The following DPP10 variants were observed in gnomAD, a reference collection of about 807,000 sequenced individuals.
The protein encoded by DPP10 is dipeptidyl peptidase like 10.
A neutral mutation model predicts 120.9 loss-of-function variants in DPP10; 33 were observed. That is an observed-to-expected ratio of 0.27 (90% CI 0.21 to 0.37). The LOEUF is 0.37. Among genes scored for constraint, DPP10 ranks in the 10% least tolerant of loss-of-function variants. The pLI, the probability that DPP10 is intolerant of heterozygous loss-of-function variation, is 1.00. For missense variants in DPP10, 816 were observed against 942.8 expected, an observed-to-expected ratio of 0.87 and a Z score of 1.76; for synonymous variants, 337 against 326.1, an observed-to-expected ratio of 1.03 and a Z score of -0.36.
At chr2:115,639,739 A>C (rs2086629391) in intron 5 of DPP10, among the ~76,000 whole-genome samples, 1 of 152,128 alleles carries the variant, frequency 6.6e-6, no homozygotes, top group Admixed American at 6.5e-5. Flanking sequence ...AGACCTAGGA[A>C]CCGGAATCTC....
intron 1 of DPP10, among the ~76,000 whole-genome samples, chr2:114,456,620 G>A (rs1209192352): frequency 6.6e-6 from 1 of 152,146 alleles, no homozygotes; most frequent in Non-Finnish European, 1.5e-5. Flanking sequence ...AATAAAAATA[G>A]CAGTATATAA....
intron 5 of DPP10, among the ~76,000 whole-genome samples, chr2:115,632,543 C>T (rs543796129): frequency 9.2e-5 from 14 of 152,126 alleles, no homozygotes; most frequent in Non-Finnish European, 2.1e-4. Flanking sequence ...ATGATGGTGA[C>T]GAATTCCCTC....
chr2:115,367,638 A>C, intron 3 of DPP10, among the ~76,000 whole-genome samples: 1 of 152,084 alleles, frequency 6.6e-6, no homozygotes, highest in East Asian at 1.9e-4. Flanking sequence ...TTAATAAATC[A>C]CTGAAACTTT....
chr2:115,341,307 C>T (rs1375402814), intron 2 of DPP10, among the ~76,000 whole-genome samples: 1 of 151,840 alleles, frequency 6.6e-6, no homozygotes, highest in African/African-American at 2.4e-5. Context: ...TTTATATTCA[C>T]AGCAAAATTG....
At chr2:115,695,685 A>G (rs1164621325) in intron 7 of DPP10, among the ~76,000 whole-genome samples, 4 of 152,190 alleles carry the variant, frequency 2.6e-5, no homozygotes, top group African/African-American at 7.2e-5. Flanking sequence ...ACACAGAGCC[A>G]GATTATATCA....
At chr2:115,050,803 T>A (rs1705421049) in intron 1 of DPP10, among the ~76,000 whole-genome samples, 1 of 152,198 alleles carries the variant, frequency 6.6e-6, no homozygotes, top group South Asian at 2.1e-4. Flanking sequence ...CACTAGAGTT[T>A]AACACACAGA....
intron 9 of DPP10, among the ~76,000 whole-genome samples, chr2:115,744,257 T>C (rs1324922366): frequency 1.3e-5 from 2 of 150,236 alleles, no homozygotes; most frequent in Non-Finnish European, 2.9e-5. Flanking sequence ...CTGCCAATAC[T>C]GTGTCAGGCT....
intron 1 of DPP10, among the ~76,000 whole-genome samples, chr2:114,817,310 A>T (rs1043836960): frequency 6.6e-6 from 1 of 152,166 alleles, no homozygotes; most frequent in African/African-American, 2.4e-5. Flanking sequence ...GGCCAAAAAA[A>T]AAAAAAGGCT....
At chr2:115,312,457 C>G (rs1422627036) in intron 2 of DPP10, among the ~76,000 whole-genome samples, 1 of 152,046 alleles carries the variant, frequency 6.6e-6, no homozygotes, top group African/African-American at 2.4e-5. Context: ...GAGTCTTCAG[C>G]CTGGAAGAAC....
At position 115,217,844 on chromosome 2, in the gene DPP10, C is replaced by T. The variant is rs569728904; in HGVS notation, c.61-91395C>T. Among the ~76,000 whole-genome samples, 3 of 152,104 alleles carry T rather than the reference C, an allele frequency of 2.0e-5. No individual in the cohort carries two copies. The South Asian group carries it at 6.2e-4, about 31-fold the overall frequency. ...TCTGTCTAGAATTGCCCTTGCCTGA[C>T]TTACTTGTCTGATTCACTTACTTTT... On this transcript the variant is annotated intron_variant, in intron 1 of 25. Transcript: ENST00000410059.
At chr2:115,115,758 C>T (rs1425642131) in intron 1 of DPP10, among the ~76,000 whole-genome samples, 1 of 152,004 alleles carries the variant, frequency 6.6e-6, no homozygotes, top group Non-Finnish European at 1.5e-5. Flanking sequence ...GTGTTCTTCT[C>T]GTAATCCATA....
intron 9 of DPP10, among the ~76,000 whole-genome samples, chr2:115,741,345 A>C (rs1233674408): frequency 2.1e-4 from 3 of 14,356 alleles, no homozygotes; most frequent in East Asian, 6.2e-3. Context: ...ATAATGATTT[A>C]ACTTCACAAA....
intron 1 of DPP10, among the ~76,000 whole-genome samples, chr2:115,013,146 C>A (rs1048519894): frequency 6.6e-6 from 1 of 152,100 alleles, no homozygotes; most frequent in Non-Finnish European, 1.5e-5. Context: ...TTTTTCCTTT[C>A]CATATTTAGT....
chr2:114,948,508 GAAAATGTGA>G (rs1288902690), intron 1 of DPP10, among the ~76,000 whole-genome samples: 1 of 151,968 alleles, frequency 6.6e-6, no homozygotes, highest in African/African-American at 2.4e-5. Flanking sequence ...CTCAATCTGG[GAAAATGTGA>G]AAAATTCAGA....
chr2:115,805,669 G>A (rs1360776690), intron 19 of DPP10, among the ~76,000 whole-genome samples: 1 of 151,524 alleles, frequency 6.6e-6, no homozygotes, highest in Admixed American at 6.6e-5. Flanking sequence ...CTGCCTCCTG[G>A]GTTCAAGCTA....
At chr2:115,840,258 G>A (rs1350750247) in intron 24 of DPP10, among the ~76,000 whole-genome samples, 1 of 133,704 alleles carries the variant, frequency 7.5e-6, no homozygotes, top group South Asian at 2.6e-4. Flanking sequence ...GAAGCTCAAA[G>A]TTTTACCATT....
chr2:114,901,322 C>T lies in DPP10; in HGVS notation c.61-407917C>T, dbSNP rs570665599. On this transcript the variant is annotated intron_variant, in intron 1 of 25. Coordinates refer to ENST00000410059, the MANE Select transcript of DPP10 (RefSeq NM_020868.6). Reference sequence around the variant, plus strand: ...ATGCCATTCTCCTGTCTCAGCCTCCCGAGCAGATGGGACTACAGGCACCTG... The same window carrying T: ...ATGCCATTCTCCTGTCTCAGCCTCCTGAGCAGATGGGACTACAGGCACCTG... 4.6e-5 allele frequency among the ~76,000 whole-genome samples: 7 copies of T among 152,208 alleles called. No individual in the cohort carries two copies. The East Asian group carries it at 1.2e-3, about 25-fold the overall frequency.
rs111735753 is a variant in DPP10 at position 114,756,782 on chromosome 2, CT to C, written c.60+313954del. ...ACCACAGTCTCTCCCTTAATCTCTA[CT>C]TTTTTTTTTCCTGTCTGAGTAAATT... On this transcript the variant is annotated intron_variant, in intron 1 of 25. Coordinates refer to ENST00000410059, the MANE Select transcript of DPP10 (RefSeq NM_020868.6). Among the ~76,000 whole-genome samples the C allele has an allele frequency of 7.7e-3, 1,158 of 149,648 alleles. 22 individuals are homozygous for C. Among genetic ancestry groups the C allele is most frequent in the African/African-American group, 0.026 (1,068 of 40,954 alleles).
chr2:115,827,414 GTATATATATA>G (rs70941101), intron 21 of DPP10, among the ~76,000 whole-genome samples: 6 of 75,452 alleles, frequency 8.0e-5, no homozygotes, highest in Non-Finnish European at 1.3e-4. Context: ...ATGTGTGTGT[GTATATATATA>G]TATATATATA....
Sources: gnomAD v4.1 joint callset for allele counts (sites outside exome capture counted in the v4.1 genomes callset) on GRCh38, gnomAD v4.1.1 for gene constraint, MANE v1.5 for transcripts, NCBI Gene and HGNC (gene_info 2026-07-23, HGNC 2026-07-21) for gene names.